Variants in FBXL13 observed in about 807,000 individuals in gnomAD.
FBXL13 encodes F-box and leucine rich repeat protein 13, also known as F-box and leucine-rich repeat protein 13.
FBXL13 carries 67 observed loss-of-function variants against 83.6 expected under a neutral mutation model. That is an observed-to-expected ratio of 0.80 (90% CI 0.66 to 0.98). The LOEUF is 0.98. Among genes scored for constraint, FBXL13 ranks in the 50% least tolerant of loss-of-function variants. The pLI, the probability that FBXL13 is intolerant of heterozygous loss-of-function variation, is 0.00. For synonymous variants in FBXL13, 272 were observed against 299.5 expected (o/e 0.91, Z 0.95); for missense variants, 822 against 866.5 (o/e 0.95, Z 0.64).
At position 102,987,043 on chromosome 7, in the gene FBXL13, A is replaced by T. The variant is rs573550921; in HGVS notation, c.496-18926T>A. ...TGGAGGCCATTATTCTAAGTGAAAT[A>T]ACTCAGGAAGGGAAAACCAAATACT... On this transcript the variant is annotated intron_variant, in intron 6 of 19. Coordinates refer to ENST00000313221, the Ensembl canonical transcript of FBXL13. 2.4e-3 allele frequency among the ~76,000 whole-genome samples: 371 copies of T among 152,298 alleles called. 3 individuals carry two copies. Among genetic ancestry groups the T allele is most frequent in the Middle Eastern group, 0.01 (3 of 294 alleles).
At chr7:103,009,028 AT>A (rs1301594167) in intron 6 of FBXL13, among the ~76,000 whole-genome samples, 1 of 152,110 alleles carries the variant, frequency 6.6e-6, no homozygotes, top group Non-Finnish European at 1.5e-5. Flanking sequence ...AGTCCATGGT[AT>A]TTAAAATGCA....
At chr7:102,889,387 G>T (rs1233110360) in intron 11 of FBXL13, among the ~76,000 whole-genome samples, 1 of 152,116 alleles carries the variant, frequency 6.6e-6, no homozygotes, top group Non-Finnish European at 1.5e-5. Flanking sequence ...CCAGGTTTGA[G>T]AACTGTTTTT....
At chr7:102,884,253 G>A in exon 12 of FBXL13, 1 of 1,613,726 alleles carries the variant, frequency 6.2e-7, no homozygotes, top group Non-Finnish European at 8.5e-7. Context: ...TGTCATTAAT[G>A]GTAAGATGCA....
chr7:102,975,954 G>A (rs1446200499), intron 6 of FBXL13: 1 of 765,600 alleles, frequency 1.3e-6, no homozygotes, highest in South Asian at 1.3e-5. Flanking sequence ...ACCTCCACCT[G>A]GTGCCTGCTT....
At chr7:102,992,459 T>G (rs1829678859) in intron 6 of FBXL13, among the ~76,000 whole-genome samples, 1 of 152,158 alleles carries the variant, frequency 6.6e-6, no homozygotes, top group South Asian at 2.1e-4. Flanking sequence ...TTCTCCCCAT[T>G]TCCATGTGGC....
chr7:102,885,399 G>GA (rs1405193545), intron 11 of FBXL13, among the ~76,000 whole-genome samples: 175 of 151,600 alleles, frequency 1.2e-3, no homozygotes, highest in African/African-American at 4.1e-3. Context: ...GTACTTGCTA[G>GA]CCATTGGTAT....
chr7:102,848,719 C>A (rs1269813704), intron 17 of FBXL13, among the ~76,000 whole-genome samples: 2 of 151,860 alleles, frequency 1.3e-5, no homozygotes, highest in East Asian at 3.9e-4. Flanking sequence ...AGAGGCCAGG[C>A]ACGGCGCCTC....
chr7:102,947,248 C>T (rs572702702), intron 8 of FBXL13, among the ~76,000 whole-genome samples: 1 of 152,142 alleles, frequency 6.6e-6, no homozygotes, highest in African/African-American at 2.4e-5. Context: ...ACAACAGAAT[C>T]ACACTGGAGG....
At chr7:102,926,132 C>CA in intron 10 of FBXL13, 142 bp downstream of exon 11, 1 of 659,066 alleles carries the variant, frequency 1.5e-6, no homozygotes, top group Non-Finnish European at 2.5e-6. Context: ...GACTTGAAAG[C>CA]AGCAGACCCC....
intron 11 of FBXL13, among the ~76,000 whole-genome samples, chr7:102,891,593 C>T (rs530885563): frequency 5.3e-5 from 8 of 152,122 alleles, no homozygotes; most frequent in Non-Finnish European, 1.0e-4. Flanking sequence ...GTAGTTTCAA[C>T]GGGATGGCAG....
chr7:102,999,186 G>A (rs910921328), intron 6 of FBXL13, among the ~76,000 whole-genome samples: 2 of 151,876 alleles, frequency 1.3e-5, no homozygotes, highest in Admixed American at 6.6e-5. Flanking sequence ...ATGTTCATAC[G>A]GTTGTCTTTG....
chr7:102,951,647 AT>A (rs975374469), intron 8 of FBXL13, among the ~76,000 whole-genome samples: 3 of 150,954 alleles, frequency 2.0e-5, no homozygotes, highest in South Asian at 2.1e-4. Flanking sequence ...GTCTCTACAA[AT>A]TTTTTTTTAA....
chr7:102,965,227 T>C (rs1404386818), intron 7 of FBXL13, among the ~76,000 whole-genome samples: 1 of 152,138 alleles, frequency 6.6e-6, no homozygotes, highest in Non-Finnish European at 1.5e-5. Context: ...AGTTGATAAT[T>C]AAGAGCACAC....
At chr7:102,984,790 A>G (rs1828744821) in intron 6 of FBXL13, among the ~76,000 whole-genome samples, 1 of 152,196 alleles carries the variant, frequency 6.6e-6, no homozygotes, top group Non-Finnish European at 1.5e-5. Flanking sequence ...AGATGCGGGA[A>G]TCTAACTGCA....
intron 2 of FBXL13, among the ~76,000 whole-genome samples, chr7:103,052,681 C>G (rs1408994571): frequency 6.6e-6 from 1 of 151,900 alleles, no homozygotes; most frequent in Non-Finnish European, 1.5e-5. Flanking sequence ...TGTCATAACT[C>G]TAAGTTTGGA....
At chr7:102,984,704 G>A (rs1376838499) in intron 6 of FBXL13, among the ~76,000 whole-genome samples, 1 of 152,168 alleles carries the variant, frequency 6.6e-6, no homozygotes, top group African/African-American at 2.4e-5. Flanking sequence ...ATTTATATTT[G>A]TTGTGCACTT....
rs534072819 is a variant in FBXL13, at chr7:102,830,792, G to C, written c.1854+2048C>G. Among the ~76,000 whole-genome samples the C allele has an allele frequency of 1.2e-3, 185 of 152,312 alleles. 1 individual carries two copies. Among genetic ancestry groups the C allele is most frequent in the Middle Eastern group, 3.4e-3 (1 of 294 alleles). On this transcript the variant is annotated intron_variant, in intron 18 of 19. Transcript: ENST00000313221. The stretch of plus-strand genomic sequence containing the variant: ...GTGTACAATAGAAGAGAACACGATT[G>C]TTAATAACCTTGTAATTTCTGAGGA...
At chr7:102,917,451 A>C (rs1816129537) in intron 10 of FBXL13, among the ~76,000 whole-genome samples, 1 of 152,192 alleles carries the variant, frequency 6.6e-6, no homozygotes, top group Non-Finnish European at 1.5e-5. Flanking sequence ...CATGGTGAAC[A>C]AGTGAAAGAA....
At chr7:102,982,633 G>A (rs1001765380) in intron 6 of FBXL13, among the ~76,000 whole-genome samples, 12 of 152,160 alleles carry the variant, frequency 7.9e-5, no homozygotes, top group Admixed American at 7.2e-4. Context: ...TTCTTTTGCT[G>A]TGAAGTTTTA....
Sources: allele counts gnomAD v4.1 joint callset (sites outside exome capture counted in the v4.1 genomes callset), GRCh38; gene constraint gnomAD v4.1.1; transcripts MANE v1.5; gene names NCBI Gene and HGNC (gene_info 2026-07-23, HGNC 2026-07-21).